FTO: variants seen among roughly 807,000 people sequenced by gnomAD.
FTO encodes the protein alpha-ketoglutarate-dependent dioxygenase FTO.
Under a neutral mutation model 63.9 loss-of-function variants are expected in FTO, and 47 were observed. That is an observed-to-expected ratio of 0.74 (90% CI 0.58 to 0.94). The LOEUF is 0.94. Ranked by LOEUF, FTO falls within the 40% of genes least tolerant of loss-of-function variation. The pLI is 0.00. For synonymous variants in FTO, 207 were observed against 224.4 expected (o/e 0.92, Z 0.69); for missense variants, 562 against 618.1 (o/e 0.91, Z 0.96).
intron 2 of FTO, among the ~76,000 whole-genome samples, chr16:53,821,955 T>A (rs187865876): frequency 1.6e-4 from 24 of 152,310 alleles, no homozygotes; most frequent in Admixed American, 5.2e-4. Flanking sequence ...CTGGTTGCTG[T>A]GGCAGAGGGG....
intron 1 of FTO, among the ~76,000 whole-genome samples, chr16:53,716,911 T>C (rs997871265): frequency 2.3e-4 from 35 of 150,794 alleles, no homozygotes; most frequent in African/African-American, 8.5e-4. Context: ...ACAGTATGAC[T>C]AATTTTAAAT....
chr16:53,797,009 C>T lies in FTO; in HGVS notation c.46-13131C>T, dbSNP rs1022866481. On this transcript the variant is annotated intron_variant, in intron 1 of 8. Coordinates refer to ENST00000471389, the MANE Select transcript of FTO (RefSeq NM_001080432.3). ...CACTATTGACTAGTTGGCATTTTCT[C>T]GAATTTTGCATAAATGGAATCAATC... Among the ~76,000 whole-genome samples, 10 of 152,238 alleles carry T rather than the reference C, an allele frequency of 6.6e-5. No homozygotes were observed. The East Asian group carries it at 7.7e-4, about 12-fold the overall frequency.
At chr16:54,021,705 G>T (rs2084606609) in intron 8 of FTO, among the ~76,000 whole-genome samples, 1 of 152,100 alleles carries the variant, frequency 6.6e-6, no homozygotes, top group Non-Finnish European at 1.5e-5. Context: ...GGTCAGGCTG[G>T]TCTCGAACTC....
At chr16:53,960,448 G>A (rs551866620) in intron 8 of FTO, among the ~76,000 whole-genome samples, 6 of 152,262 alleles carry the variant, frequency 3.9e-5, no homozygotes, top group African/African-American at 1.4e-4. Context: ...CCTGAAGGAG[G>A]GAAAGTATGA....
intron 1 of FTO, among the ~76,000 whole-genome samples, chr16:53,755,817 C>G (rs2076910919): frequency 1.3e-5 from 2 of 152,122 alleles, no homozygotes; most frequent in Non-Finnish European, 2.9e-5. Context: ...GCTTCTGTCC[C>G]GCTGCCTGGA....
chr16:53,793,327 C>G (rs2077978367), intron 1 of FTO, among the ~76,000 whole-genome samples: 1 of 151,966 alleles, frequency 6.6e-6, no homozygotes, highest in South Asian at 2.1e-4. Flanking sequence ...CTTCTTTTCC[C>G]TTTTGAAACT....
At chr16:53,704,859 C>A (rs1355631927) in intron 1 of FTO, among the ~76,000 whole-genome samples, 1 of 152,182 alleles carries the variant, frequency 6.6e-6, no homozygotes. Flanking sequence ...ATCATTGTCA[C>A]AGCAGATTGC....
chr16:53,993,575 T>G (rs1369298193), intron 8 of FTO: 1 of 152,220 alleles, frequency 6.6e-6, no homozygotes, highest in Non-Finnish European at 1.5e-5. Flanking sequence ...TCTTTTAAGC[T>G]CAACTATGTG....
At chr16:53,873,501 TATC>T (rs1357841316) in intron 4 of FTO, among the ~76,000 whole-genome samples, 2 of 149,394 alleles carry the variant, frequency 1.3e-5, no homozygotes, top group Non-Finnish European at 3.0e-5. Flanking sequence ...TATATAAGTA[TATC>T]ATATTTATTG....
chr16:54,007,640 A>G (rs1454226911), intron 8 of FTO, among the ~76,000 whole-genome samples: 1 of 152,242 alleles, frequency 6.6e-6, no homozygotes, highest in African/African-American at 2.4e-5. Flanking sequence ...CACTGGCAAC[A>G]GAGACATGGC....
At chr16:54,020,138 T>G (rs1216770213) in intron 8 of FTO, among the ~76,000 whole-genome samples, 1 of 152,170 alleles carries the variant, frequency 6.6e-6, no homozygotes, top group African/African-American at 2.4e-5. Flanking sequence ...TGTTCCTGGA[T>G]TGAAGAAACC....
chr16:53,905,891 G>A (rs2081525761), intron 7 of FTO, among the ~76,000 whole-genome samples: 1 of 152,094 alleles, frequency 6.6e-6, no homozygotes, highest in Non-Finnish European at 1.5e-5. Context: ...TGCTTTGTTT[G>A]TGATATTTGT....
chr16:53,968,732 T>C (rs544929091), intron 8 of FTO, among the ~76,000 whole-genome samples: 2 of 152,314 alleles, frequency 1.3e-5, no homozygotes, highest in African/African-American at 4.8e-5. Flanking sequence ...GAGAGACATT[T>C]CACTTGAGCT....
intron 8 of FTO, among the ~76,000 whole-genome samples, chr16:53,940,616 C>T (rs1337053729): frequency 6.6e-6 from 1 of 152,148 alleles, no homozygotes; most frequent in African/African-American, 2.4e-5. Flanking sequence ...CTTTTAGGCT[C>T]AAACAGGAGT....
chr16:53,765,647 A>C (rs1382939904), intron 1 of FTO, among the ~76,000 whole-genome samples: 1 of 151,946 alleles, frequency 6.6e-6, no homozygotes, highest in African/African-American at 2.4e-5. Context: ...TTAATGACTG[A>C]GGGGAGGGGA....
At chr16:54,067,532 T>C (rs993306070) in intron 8 of FTO, among the ~76,000 whole-genome samples, 1 of 152,252 alleles carries the variant, frequency 6.6e-6, no homozygotes, top group Non-Finnish European at 1.5e-5. Flanking sequence ...TGACAGTGTG[T>C]TGCTATTGCA....
chr16:53,958,643 G>A (rs2082990275), intron 8 of FTO, among the ~76,000 whole-genome samples: 1 of 152,240 alleles, frequency 6.6e-6, no homozygotes, highest in African/African-American at 2.4e-5. Flanking sequence ...AGTGGAAGCA[G>A]CCTGGGAACT....
chr16:54,082,468 G>A (rs1475548993), intron 8 of FTO, among the ~76,000 whole-genome samples: 1 of 152,194 alleles, frequency 6.6e-6, no homozygotes, highest in Non-Finnish European at 1.5e-5. Flanking sequence ...TAAGGTATTA[G>A]AAGATTAGGG....
chr16:53,881,831 C>A (rs750382557), intron 6 of FTO, among the ~76,000 whole-genome samples: 2 of 152,104 alleles, frequency 1.3e-5, no homozygotes, highest in Non-Finnish European at 2.9e-5. Flanking sequence ...AAGTGGAAAT[C>A]CAGTATCATT....
Sources: gnomAD v4.1 joint callset for allele counts (sites outside exome capture counted in the v4.1 genomes callset) on GRCh38, gnomAD v4.1.1 for gene constraint, MANE v1.5 for transcripts, NCBI Gene and HGNC (gene_info 2026-07-23, HGNC 2026-07-21) for gene names.